The following CNTNAP5 variants were observed in gnomAD, a reference collection of about 807,000 sequenced individuals.
The protein encoded by CNTNAP5 is contactin-associated protein-like 5.
In CNTNAP5, 72 loss-of-function variants were observed where a neutral mutation model predicts 150.2. That is an observed-to-expected ratio of 0.48 (90% CI 0.40 to 0.58). CNTNAP5 has a LOEUF of 0.58. Among genes scored for constraint, CNTNAP5 ranks in the 20% least tolerant of loss-of-function variants. The pLI is 0.00. For synonymous variants in CNTNAP5, 672 were observed against 619.8 expected (o/e 1.08, Z -1.25); for missense variants, 1,636 against 1,626.2 (o/e 1.01, Z -0.10).
intron 3 of CNTNAP5, among the ~76,000 whole-genome samples, chr2:124,408,110 G>A (rs1360790633): frequency 1.3e-5 from 2 of 152,224 alleles, no homozygotes; most frequent in Non-Finnish European, 2.9e-5. Flanking sequence ...CCGAGTCAAA[G>A]AAAGGGGTGA....
intron 3 of CNTNAP5, among the ~76,000 whole-genome samples, chr2:124,344,747 C>A (rs909780735): frequency 6.6e-6 from 1 of 152,102 alleles, no homozygotes. Flanking sequence ...CAGAGTGAGA[C>A]CCTGCCTCAA....
intron 1 of CNTNAP5, among the ~76,000 whole-genome samples, chr2:124,198,192 T>C (rs906593390): frequency 6.6e-6 from 1 of 151,666 alleles, no homozygotes; most frequent in Non-Finnish European, 1.5e-5. Flanking sequence ...AGTTTCTTTT[T>C]TTTAAGTTTG....
chr2:124,564,494 T>C (rs928922130), intron 11 of CNTNAP5, among the ~76,000 whole-genome samples: 6 of 152,146 alleles, frequency 3.9e-5, no homozygotes, highest in Admixed American at 6.5e-5. Flanking sequence ...TATCTGGGAT[T>C]ACAGGTGCAC....
At chr2:124,875,718 G>A (rs1031922779) in intron 21 of CNTNAP5, among the ~76,000 whole-genome samples, 2 of 89,082 alleles carry the variant, frequency 2.2e-5, no homozygotes, top group African/African-American at 8.3e-5. Context: ...TTTTTTTTCT[G>A]TTTTCTTTTT....
chr2:124,572,179 A>T (rs1219640293), intron 11 of CNTNAP5, among the ~76,000 whole-genome samples: 1 of 152,152 alleles, frequency 6.6e-6, no homozygotes, highest in Non-Finnish European at 1.5e-5. Context: ...CAGTGAATGC[A>T]CTGTGCAATT....
intron 7 of CNTNAP5, among the ~76,000 whole-genome samples, chr2:124,501,923 G>T (rs762231341): frequency 6.6e-6 from 1 of 152,118 alleles, no homozygotes; most frequent in Admixed American, 6.5e-5. Flanking sequence ...AGAGGCATGC[G>T]CTAAAGACAA....
chr2:124,292,361 G>T (rs2104635409), intron 3 of CNTNAP5, among the ~76,000 whole-genome samples: 1 of 152,144 alleles, frequency 6.6e-6, no homozygotes, highest in East Asian at 1.9e-4. Context: ...TTACAAACAG[G>T]AATATATTGA....
intron 13 of CNTNAP5, among the ~76,000 whole-genome samples, chr2:124,659,500 G>T (rs986244611): frequency 5.3e-5 from 8 of 152,172 alleles, no homozygotes; most frequent in African/African-American, 1.9e-4. Flanking sequence ...CCATCATCAG[G>T]AAAGGTAATC....
intron 3 of CNTNAP5, among the ~76,000 whole-genome samples, chr2:124,260,637 C>G (rs958245120): frequency 4.6e-5 from 7 of 152,320 alleles, no homozygotes; most frequent in South Asian, 2.1e-4. Context: ...GGGCTAATAT[C>G]CAGCATCTAC....
At chr2:124,835,710 T>C (rs1244225334) in intron 19 of CNTNAP5, among the ~76,000 whole-genome samples, 1 of 152,158 alleles carries the variant, frequency 6.6e-6, no homozygotes, top group East Asian at 1.9e-4. Context: ...GAAAATTACA[T>C]TATTTTTTCT....
Position 124,177,791 on chromosome 2 carries a change from C to T in CNTNAP5, c.83-43914C>T, listed in dbSNP as rs1424192206. On this transcript the variant is annotated intron_variant, in intron 1 of 23. Coordinates refer to ENST00000682447, the MANE Select transcript of CNTNAP5 (RefSeq NM_001367498.1). ...TAGTTTTAACAGCTCTTCCTGCTTT[C>T]TATATCAGGTTTTTGTTTGTTTGGT... 5.3e-5 allele frequency among the ~76,000 whole-genome samples: 8 copies of T among 150,870 alleles called. No homozygotes were observed. The East Asian group carries it at 5.8e-4, about 11-fold the overall frequency.
At chr2:124,911,733 C>T (rs1388242840) in intron 23 of CNTNAP5, among the ~76,000 whole-genome samples, 195 bp downstream of exon 23, 1 of 152,062 alleles carries the variant, frequency 6.6e-6, no homozygotes, top group Non-Finnish European at 1.5e-5. Context: ...ACCAGCAGCT[C>T]TGCGGATTCA....
At chr2:124,355,358 A>G (rs1689969586) in intron 3 of CNTNAP5, among the ~76,000 whole-genome samples, 1 of 152,190 alleles carries the variant, frequency 6.6e-6, no homozygotes, top group Admixed American at 6.6e-5. Context: ...ATACAATAAA[A>G]CTAGCTTTTA....
chr2:124,527,216 T>C (rs963633848), intron 9 of CNTNAP5, 69 bp from the exon 10 acceptor site: 5 of 1,407,454 alleles, frequency 3.6e-6, no homozygotes, highest in Admixed American at 1.9e-5. Context: ...AGGTCTTCCA[T>C]CAATAGGTCG....
At chr2:124,676,152 C>G (rs1337325079) in intron 13 of CNTNAP5, among the ~76,000 whole-genome samples, 1 of 152,162 alleles carries the variant, frequency 6.6e-6, no homozygotes. Context: ...CTTAAATGCC[C>G]TGAACCAATA....
At chr2:124,401,940 C>A (rs577744754) in intron 3 of CNTNAP5, among the ~76,000 whole-genome samples, 2 of 152,196 alleles carry the variant, frequency 1.3e-5, no homozygotes, top group South Asian at 4.1e-4. Flanking sequence ...GACATTACCC[C>A]CTGCAACCTT....
intron 3 of CNTNAP5, among the ~76,000 whole-genome samples, chr2:124,345,107 C>T (rs1288577443): frequency 6.6e-6 from 1 of 152,162 alleles, no homozygotes; most frequent in African/African-American, 2.4e-5. Context: ...TAGCTTAATA[C>T]ACGTGGGAGA....
intron 10 of CNTNAP5, among the ~76,000 whole-genome samples, chr2:124,558,733 C>T (rs1340245601): frequency 6.6e-6 from 1 of 152,176 alleles, no homozygotes; most frequent in Non-Finnish European, 1.5e-5. Context: ...CAGCTGGAAA[C>T]TTCAGCCCGG....
At chr2:124,495,788 C>G (rs1457886402) in intron 7 of CNTNAP5, among the ~76,000 whole-genome samples, 3 of 152,142 alleles carry the variant, frequency 2.0e-5, no homozygotes, top group Admixed American at 1.3e-4. Flanking sequence ...CCGGTTTTCT[C>G]TTCCTCCACC....
Sources: allele counts gnomAD v4.1 joint callset (sites outside exome capture counted in the v4.1 genomes callset), GRCh38; gene constraint gnomAD v4.1.1; transcripts MANE v1.5; gene names NCBI Gene and HGNC (gene_info 2026-07-23, HGNC 2026-07-21).